Variants in DOCK11 observed in about 807,000 individuals in gnomAD.
The protein encoded by DOCK11 is dedicator of cytokinesis 11, also known as dedicator of cytokinesis protein 11.
DOCK11 carries 70 observed loss-of-function variants against 169.1 expected under a neutral mutation model. The ratio of observed to expected loss-of-function variants is 0.41; its 90% CI spans 0.34 to 0.51. The LOEUF is 0.51. Ranked by LOEUF, DOCK11 falls within the 20% of genes least tolerant of loss-of-function variation. The probability of loss-of-function intolerance (pLI) is 0.10; values close to 1 mark genes in which losing one functional copy is unlikely to be tolerated. For synonymous variants in DOCK11, 529 were observed against 541.3 expected (o/e 0.98, Z 0.32); for missense variants, 1,166 against 1,538.8 (o/e 0.76, Z 4.05).
chrX:118,569,134 G>A (rs758479601), intron 10 of DOCK11, among the ~76,000 whole-genome samples: 1 of 32,377 alleles, frequency 3.1e-5, no homozygotes, highest in African/African-American at 1.3e-4. Flanking sequence ...TTTTGCTCTT[G>A]TTGCCCAGGC....
At chrX:118,552,607 G>A (rs898198125) in intron 6 of DOCK11, among the ~76,000 whole-genome samples, 1 of 112,528 alleles carries the variant, frequency 8.9e-6, no homozygotes, top group Non-Finnish European at 1.9e-5. Context: ...CTTGCCCTGA[G>A]GAGCCTGGAC....
At chrX:118,567,977 A>G (rs905191526) in intron 9 of DOCK11, 102 bp from the exon 10 acceptor site, 1 of 379,682 alleles carries the variant, frequency 2.6e-6, no homozygotes, top group Non-Finnish European at 4.4e-6. Flanking sequence ...ATATTTTTGA[A>G]GCTGTGACAG....
chrX:118,672,646 A>G (rs942926971), intron 46 of DOCK11, among the ~76,000 whole-genome samples: 20 of 112,469 alleles, frequency 1.8e-4, no homozygotes, highest in South Asian at 3.6e-4. Context: ...CGTGTTAGCC[A>G]AGATGGTCTC....
chrX:118,601,408 C>A (rs2014332693), intron 23 of DOCK11, among the ~76,000 whole-genome samples: 1 of 100,941 alleles, frequency 9.9e-6, no homozygotes, highest in Non-Finnish European at 2.0e-5. Context: ...TGGGCCACAG[C>A]GAGACCCTGT....
chrX:118,639,456 A>G lies in DOCK11; in HGVS notation c.4023A>G (p.Ser1341=), dbSNP rs763023427. The G allele has an allele frequency of 3.8e-5, 46 of 1,211,279 alleles. No homozygotes were observed. Among genetic ancestry groups the G allele is most frequent in the Non-Finnish European group, 5.1e-5 (46 of 895,186 alleles). Reference sequence around the variant, plus strand: ...TTAGGGTGCATGATGCCTGGCTGTCAAAACACTTCGGAATAGACCGAAAAT... The same window carrying G: ...TTAGGGTGCATGATGCCTGGCTGTCGAAACACTTCGGAATAGACCGAAAAT... ...NIARVHDAWL[S]KHFGIDRKSQ... Residue 1341 remains serine, a synonymous_variant, in exon 38 of 53, where the codon TCA becomes TCG. Transcript: ENST00000276202.
chrX:118,681,404 T>C (rs752974272), intron 50 of DOCK11, among the ~76,000 whole-genome samples, 156 bp downstream of exon 50: 4 of 112,873 alleles, frequency 3.5e-5, no homozygotes, highest in East Asian at 2.8e-4. Flanking sequence ...AGATATTACA[T>C]TGAATTTTTT....
At chrX:118,597,606 G>T in intron 21 of DOCK11, 54 bp downstream of exon 21, 2 of 1,187,548 alleles carry the variant, frequency 1.7e-6, no homozygotes. Flanking sequence ...GCAAAAAATA[G>T]AATTCTGTTG....
rs1427843811 is a variant in DOCK11 at position 118,616,019 on chromosome X, G to A, written c.3292+308G>A. 4.5e-5 allele frequency among the ~76,000 whole-genome samples: 5 copies of A among 111,533 alleles called. No individual in the cohort carries two copies. The East Asian group carries it at 1.4e-3, about 31-fold the overall frequency. On this transcript the variant is annotated intron_variant, in intron 30 of 52. Coordinates refer to ENST00000276202, the MANE Select transcript of DOCK11 (RefSeq NM_144658.4). ...TAAATTAAGAAAAAGACATATAAATGCATTTCTCCTCAAAGCATCAAAAAA... is the reference window on the plus strand; with the variant it reads ...TAAATTAAGAAAAAGACATATAAATACATTTCTCCTCAAAGCATCAAAAAA...
chrX:118,631,010 C>T (rs1278941745), intron 35 of DOCK11, among the ~76,000 whole-genome samples: 2 of 111,182 alleles, frequency 1.8e-5, no homozygotes, highest in African/African-American at 3.3e-5. Flanking sequence ...TGGTATAGAG[C>T]CGTATTTACT....
At chrX:118,605,785 T>G (rs931582747) in intron 24 of DOCK11, among the ~76,000 whole-genome samples, 5 of 112,026 alleles carry the variant, frequency 4.5e-5, no homozygotes, top group Non-Finnish European at 5.6e-5. Context: ...GTCTGTTAGG[T>G]CTATTTGGTC....
At position 118,609,283 on chromosome X, in the gene DOCK11, A is replaced by T. The variant is rs2014617965; in HGVS notation, c.2883A>T (p.Ser961=). 2 of 1,192,085 alleles carry T rather than the reference A, an allele frequency of 1.7e-6. No individual in the cohort carries two copies. Among genetic ancestry groups the T allele is most frequent in the Non-Finnish European group, 2.3e-6 (2 of 882,887 alleles). ...TCTCTTTCTTTTTTTTTCAGTACTC[A>T]TGGTTTTTCTTTGAAATAATTGCAA... ...FLSINKLLKY[S]WFFFEIIAKS... Residue 961 remains serine, a synonymous_variant, in exon 27 of 53, where the codon TCA becomes TCT. Coordinates refer to ENST00000276202, the MANE Select transcript of DOCK11 (RefSeq NM_144658.4).
chrX:118,606,685 C>T lies in DOCK11; in HGVS notation c.2681+1329C>T, dbSNP rs754859891. 4.5e-5 allele frequency among the ~76,000 whole-genome samples: 5 copies of T among 111,971 alleles called. 1 individual carries two copies. The highest frequency in any genetic ancestry group is 2.8e-4 in the East Asian group (1 of 3,565). ...TCACACCACAGCCACACACCATTTG[C>T]GGGCATCGCTGCTGTTGGGGATAGT... On this transcript the variant is annotated intron_variant, in intron 24 of 52. Coordinates refer to ENST00000276202, the MANE Select transcript of DOCK11 (RefSeq NM_144658.4).
intron 1 of DOCK11, among the ~76,000 whole-genome samples, chrX:118,497,604 G>A (rs1170434570): frequency 6.3e-5 from 7 of 111,999 alleles, no homozygotes; most frequent in Non-Finnish European, 1.1e-4. Flanking sequence ...TTGGAGCCTT[G>A]CCTGTCATCA....
intron 42 of DOCK11, 105 bp from the exon 43 acceptor site, chrX:118,654,497 C>G: frequency 1.4e-6 from 1 of 726,321 alleles, no homozygotes; most frequent in Non-Finnish European, 2.1e-6. Flanking sequence ...ATACCAAGAA[C>G]TGTAACAGGA....
intron 45 of DOCK11, among the ~76,000 whole-genome samples, chrX:118,668,254 G>T (rs958131184): frequency 8.9e-6 from 1 of 111,756 alleles, no homozygotes; most frequent in African/African-American, 3.2e-5. Flanking sequence ...ATCAGATTGA[G>T]GAAGATCTCT....
intron 23 of DOCK11, among the ~76,000 whole-genome samples, chrX:118,602,831 G>A (rs893037165): frequency 1.8e-5 from 2 of 112,093 alleles, no homozygotes; most frequent in Admixed American, 9.4e-5. Context: ...GTGAGCTGCC[G>A]CGCCCGGCCT....
chrX:118,546,215 A>C (rs2012275155), intron 6 of DOCK11, 99 bp downstream of exon 6: 118 of 321,864 alleles, frequency 3.7e-4, no homozygotes, highest in East Asian at 6.7e-4. Flanking sequence ...CCTAGCAAAA[A>C]AAAAAAAAAA....
At chrX:118,512,479 G>A (rs974078179) in intron 1 of DOCK11, among the ~76,000 whole-genome samples, 4 of 112,180 alleles carry the variant, frequency 3.6e-5, no homozygotes, top group African/African-American at 1.3e-4. Flanking sequence ...CACCAAAGGG[G>A]TGAGTAGATA....
At chrX:118,677,363 TC>T (rs1178806077) in intron 48 of DOCK11, among the ~76,000 whole-genome samples, 1 of 112,270 alleles carries the variant, frequency 8.9e-6, no homozygotes, top group East Asian at 2.8e-4. Context: ...AGAGGCCCTT[TC>T]CTAGGAAATG....
Sources: allele counts gnomAD v4.1 joint callset (sites outside exome capture counted in the v4.1 genomes callset), GRCh38; gene constraint gnomAD v4.1.1; transcripts MANE v1.5; gene names NCBI Gene and HGNC (gene_info 2026-07-23, HGNC 2026-07-21).